Variants in THRB observed in about 807,000 individuals in gnomAD.
THRB encodes the protein nuclear receptor subfamily 1 group A member 2.
In THRB, 12 loss-of-function variants were observed where a neutral mutation model predicts 47.8. The ratio of observed to expected loss-of-function variants is 0.25; its 90% CI spans 0.16 to 0.41. The LOEUF (loss-of-function observed/expected upper bound fraction) is 0.41, where lower values mean the gene tolerates loss of function less well. Ranked by LOEUF, THRB falls within the 10% of genes least tolerant of loss-of-function variation. The pLI, the probability that THRB is intolerant of heterozygous loss-of-function variation, is 1.00. For synonymous variants in THRB, 218 were observed against 212.2 expected, an observed-to-expected ratio of 1.03 and a Z score of -0.24; for missense variants, 348 against 589.2, an observed-to-expected ratio of 0.59 and a Z score of 4.24.
intron 8 of THRB, 122 bp downstream of exon 8, chr3:24,143,379 A>T: frequency 9.9e-7 from 1 of 1,007,880 alleles, no homozygotes; most frequent in Non-Finnish European, 1.6e-6. Context: ...TCTCAGAGCT[A>T]CGGTTTCCCT....
At chr3:24,282,642 A>C (rs1162239709) in intron 3 of THRB, among the ~76,000 whole-genome samples, 2 of 144,944 alleles carry the variant, frequency 1.4e-5, no homozygotes, top group Non-Finnish European at 3.0e-5. Flanking sequence ...TAACGAATCC[A>C]GGAGCTGGTT....
rs77397564 is a variant in THRB at position 24,489,613 on chromosome 3, A to G, written c.-261+5039T>C. On this transcript the variant is annotated intron_variant, in intron 1 of 10. Transcript: ENST00000646209. Reference sequence around the variant, plus strand: ...CTATTTGGAAAAGATCCTGAAGTTCACAGCAGAACTCAGTTTCTCAACTCA... The same window carrying G: ...CTATTTGGAAAAGATCCTGAAGTTCGCAGCAGAACTCAGTTTCTCAACTCA... Among the ~76,000 whole-genome samples, 1,014 of 152,322 alleles carry G rather than the reference A, an allele frequency of 6.7e-3. 15 individuals are homozygous for G. Among genetic ancestry groups the G allele is most frequent in the African/African-American group, 0.023 (943 of 41,558 alleles).
At chr3:24,215,202 T>C (rs2046434097) in intron 4 of THRB, among the ~76,000 whole-genome samples, 1 of 152,222 alleles carries the variant, frequency 6.6e-6, no homozygotes, top group Non-Finnish European at 1.5e-5. Flanking sequence ...AAAAAAAATC[T>C]CTGCCATTTC....
At chr3:24,181,159 G>T (rs535396858) in intron 5 of THRB, among the ~76,000 whole-genome samples, 1 of 152,258 alleles carries the variant, frequency 6.6e-6, no homozygotes, top group African/African-American at 2.4e-5. Flanking sequence ...TCCTGGAACT[G>T]GTCTTATGTT....
intron 1 of THRB, among the ~76,000 whole-genome samples, chr3:24,442,930 C>A (rs1162663049): frequency 6.6e-6 from 1 of 152,132 alleles, no homozygotes; most frequent in Non-Finnish European, 1.5e-5. Context: ...CGTCTATAAT[C>A]CCAGCATTCT....
intron 1 of THRB, among the ~76,000 whole-genome samples, chr3:24,492,583 C>A (rs1036654136): frequency 6.6e-6 from 1 of 152,198 alleles, no homozygotes; most frequent in Non-Finnish European, 1.5e-5. Flanking sequence ...TGTGGCTCCA[C>A]ACAACTCATG....
intron 4 of THRB, among the ~76,000 whole-genome samples, chr3:24,205,236 T>A (rs1290334649): frequency 6.6e-6 from 1 of 152,056 alleles, no homozygotes; most frequent in Admixed American, 6.6e-5. Flanking sequence ...GGAAAAAATG[T>A]TAAGGGCAGC....
At chr3:24,395,067 C>A (rs6550862) in intron 1 of THRB, among the ~76,000 whole-genome samples, 6,387 of 152,154 alleles carry the variant, frequency 0.042, 406 homozygotes, top group African/African-American at 0.14. Context: ...AGAATATCCA[C>A]ATGCAGAAGA....
At chr3:24,422,895 T>C (rs1695215372) in intron 1 of THRB, among the ~76,000 whole-genome samples, 1 of 151,928 alleles carries the variant, frequency 6.6e-6, no homozygotes, top group African/African-American at 2.4e-5. Flanking sequence ...GGTAGCCATG[T>C]AACTTTGACC....
chr3:24,168,322 T>C (rs1040667941), intron 5 of THRB, among the ~76,000 whole-genome samples: 1 of 152,094 alleles, frequency 6.6e-6, no homozygotes, highest in Admixed American at 6.6e-5. Flanking sequence ...ACATATTATG[T>C]GTCACAAATG....
intron 3 of THRB, among the ~76,000 whole-genome samples, chr3:24,273,444 G>A (rs1036143658): frequency 6.6e-6 from 1 of 152,146 alleles, no homozygotes; most frequent in East Asian, 1.9e-4. Flanking sequence ...CAGGGTTATG[G>A]TTATAACTGA....
At chr3:24,262,410 C>A (rs1370674741) in intron 3 of THRB, among the ~76,000 whole-genome samples, 3 of 152,190 alleles carry the variant, frequency 2.0e-5, no homozygotes, top group African/African-American at 4.8e-5. Flanking sequence ...TATGTCAGTT[C>A]ATTTGATCCC....
intron 2 of THRB, among the ~76,000 whole-genome samples, chr3:24,331,680 G>GGT (rs35142390): frequency 0.49 from 72,958 of 150,064 alleles, 18,364 homozygotes; most frequent in East Asian, 0.66. Context: ...CTCCGTGTAT[G>GGT]GTGTGTGTGT....
At chr3:24,340,558 A>G (rs1042920397) in intron 1 of THRB, among the ~76,000 whole-genome samples, 4 of 151,984 alleles carry the variant, frequency 2.6e-5, no homozygotes, top group Admixed American at 1.3e-4. Flanking sequence ...ATCCCATAAT[A>G]TCACACTTAT....
chr3:24,325,397 C>G (rs902324550), intron 2 of THRB, among the ~76,000 whole-genome samples: 2 of 152,040 alleles, frequency 1.3e-5, no homozygotes, highest in Admixed American at 1.3e-4. Flanking sequence ...TTTAAAAGAG[C>G]AAGGAGAGGC....
At chr3:24,450,865 C>A (rs1472769101) in intron 1 of THRB, among the ~76,000 whole-genome samples, 1 of 152,156 alleles carries the variant, frequency 6.6e-6, no homozygotes, top group Non-Finnish European at 1.5e-5. Context: ...TTAATCCATG[C>A]AGCTCTTTCT....
chr3:24,409,510 T>C (rs2068104009), intron 1 of THRB, among the ~76,000 whole-genome samples: 1 of 151,778 alleles, frequency 6.6e-6, no homozygotes, highest in Non-Finnish European at 1.5e-5. Context: ...TGTATTATCC[T>C]GGGCCTCTGA....
At chr3:24,359,537 G>A (rs952000755) in intron 1 of THRB, among the ~76,000 whole-genome samples, 1 of 152,108 alleles carries the variant, frequency 6.6e-6, no homozygotes, top group Non-Finnish European at 1.5e-5. Context: ...CTCTTGATGA[G>A]AGAATGCCAA....
In THRB at chr3:24,306,638, T is replaced by C. The variant is rs532547498; in HGVS notation, c.-188-9267A>G. On this transcript the variant is annotated intron_variant, in intron 2 of 10. Transcript: ENST00000646209. The stretch of plus-strand genomic sequence containing the variant: ...AACAGCTGATCTCAGGTTTTTTTTT[T>C]CTAAGGCATAGCATACTTTGGCTAC... Among the ~76,000 whole-genome samples, 18 of 152,242 alleles carry C rather than the reference T, an allele frequency of 1.2e-4. No individual in the cohort carries two copies. The East Asian group carries it at 2.1e-3, about 18-fold the overall frequency.
Sources: gnomAD v4.1 joint callset for allele counts (sites outside exome capture counted in the v4.1 genomes callset) on GRCh38, gnomAD v4.1.1 for gene constraint, MANE v1.5 for transcripts, NCBI Gene and HGNC (gene_info 2026-07-23, HGNC 2026-07-21) for gene names.